The following OR52I2 variants were observed in gnomAD, a reference collection of about 807,000 sequenced individuals.
The protein encoded by OR52I2 is olfactory receptor family 52 subfamily I member 2, also known as olfactory receptor 52I2.
For missense variants in OR52I2, 350 were observed against 402.4 expected (o/e 0.87, Z 1.11); for synonymous variants, 147 against 151.9 (o/e 0.97, Z 0.24).
At chr11:4,590,970 TCA>T (rs1846346319) in exon 2 of OR52I2, 2 of 152,170 alleles carry the variant, frequency 1.3e-5, no homozygotes, top group Non-Finnish European at 2.9e-5. Context: ...TTCATATAGA[TCA>T]CAGTCTGTAA....
At chr11:4,593,289 A>G (rs1166759268) in exon 2 of OR52I2, 4 of 153,318 alleles carry the variant, frequency 2.6e-5, no homozygotes, top group Non-Finnish European at 4.4e-5. Context: ...TAGTAATTTA[A>G]TCTATTAACT....
intron 1 of OR52I2, among the ~76,000 whole-genome samples, chr11:4,583,302 A>T (rs1449753732): frequency 6.6e-6 from 1 of 152,146 alleles, no homozygotes; most frequent in Non-Finnish European, 1.5e-5. Flanking sequence ...CGAAGGCATG[A>T]AAGGTATGCC....
At chr11:4,588,196 A>T in exon 2 of OR52I2, 3 of 284,400 alleles carry the variant, frequency 1.1e-5, no homozygotes, top group African/African-American at 2.1e-5. Context: ...CCAACTCTTA[A>T]AATGAAAGAC....
intron 1 of OR52I2, among the ~76,000 whole-genome samples, chr11:4,584,172 A>C (rs769481753): frequency 7.9e-5 from 12 of 152,234 alleles, no homozygotes; most frequent in Non-Finnish European, 1.6e-4. Context: ...AAAGCAAGCT[A>C]GTCTTGAGGC....
At chr11:4,582,406 T>C (rs1402352534) in intron 1 of OR52I2, among the ~76,000 whole-genome samples, 1 of 151,052 alleles carries the variant, frequency 6.6e-6, no homozygotes, top group Non-Finnish European at 1.5e-5. Context: ...ATTAAGAAAC[T>C]TTTTATTTTT....
chr11:4,590,598 G>A (rs1846343606), exon 2 of OR52I2: 1 of 152,342 alleles, frequency 6.6e-6, no homozygotes, highest in Non-Finnish European at 1.5e-5. Context: ...TTGAAGAAAG[G>A]TGAATTTAAA....
intron 1 of OR52I2, among the ~76,000 whole-genome samples, chr11:4,584,107 G>A (rs964642255): frequency 2.0e-4 from 31 of 152,180 alleles, no homozygotes; most frequent in Non-Finnish European, 3.2e-4. Flanking sequence ...TAGGGATATG[G>A]CAGCTTCTTA....
intron 1 of OR52I2, among the ~76,000 whole-genome samples, 165 bp downstream of exon 1, chr11:4,582,029 T>C (rs1322398016): frequency 6.6e-6 from 1 of 152,184 alleles, no homozygotes; most frequent in Non-Finnish European, 1.5e-5. Flanking sequence ...CAAGACCTTA[T>C]GGAAATGATG....
chr11:4,590,851 T>C lies in OR52I2; in HGVS notation c.*2986T>C, dbSNP rs568137944. On this transcript the variant is annotated 3_prime_UTR_variant, in exon 2 of 2. Coordinates refer to ENST00000641896, the Ensembl canonical transcript of OR52I2. Reference sequence around the variant, plus strand: ...CACTGAAGATGTCTCACCCAGTAGCTACACAGCAAGGTTTTTATAATCTGA... The same window carrying C: ...CACTGAAGATGTCTCACCCAGTAGCCACACAGCAAGGTTTTTATAATCTGA... The C allele has an allele frequency of 4.6e-5, 7 of 152,350 alleles. No individual in the cohort carries two copies. The South Asian group carries it at 8.3e-4, about 18-fold the overall frequency. The allele number at this position is 152,350 out of a possible 1,614,324, so 9.4% of individuals were successfully genotyped here.
chr11:4,587,625 T>G, exon 2 of OR52I2: 1 of 1,614,110 alleles, frequency 6.2e-7, no homozygotes, highest in Non-Finnish European at 8.5e-7. Context: ...TAAGCACATG[T>G]GGCTCCCATG....
chr11:4,585,617 C>T (rs1218687160), intron 1 of OR52I2, among the ~76,000 whole-genome samples: 1 of 152,178 alleles, frequency 6.6e-6, no homozygotes, highest in Non-Finnish European at 1.5e-5. Flanking sequence ...CGGTAGAGCT[C>T]AGCTGCTGGC....
chr11:4,583,942 G>A (rs554428227), intron 1 of OR52I2, among the ~76,000 whole-genome samples: 1 of 152,180 alleles, frequency 6.6e-6, no homozygotes, highest in Admixed American at 6.5e-5. Flanking sequence ...CCTGGTAAAT[G>A]TTCCTCTAGT....
intron 1 of OR52I2, among the ~76,000 whole-genome samples, chr11:4,585,975 C>T (rs2059213788): frequency 6.6e-6 from 1 of 152,060 alleles, no homozygotes; most frequent in South Asian, 2.1e-4. Flanking sequence ...TTCCTTGTTG[C>T]CTGGAATGTC....
At chr11:4,589,513 A>G (rs1846335087) in exon 2 of OR52I2, 1 of 152,222 alleles carries the variant, frequency 6.6e-6, no homozygotes, top group African/African-American at 2.4e-5. Context: ...AATAGAAAAT[A>G]TAAGCCTTTA....
intron 1 of OR52I2, among the ~76,000 whole-genome samples, chr11:4,582,730 G>A (rs1328687082): frequency 1.3e-5 from 2 of 151,950 alleles, no homozygotes; most frequent in African/African-American, 4.8e-5. Context: ...CACCATGTCC[G>A]GTCGAACTTT....
At chr11:4,588,207 A>C in exon 2 of OR52I2, 68 of 268,326 alleles carry the variant, frequency 2.5e-4, no homozygotes, top group Middle Eastern at 1.2e-3. Flanking sequence ...AATGAAAGAC[A>C]ACAAAGACCG....
exon 2 of OR52I2, chr11:4,587,461 T>A: frequency 6.2e-7 from 1 of 1,614,210 alleles, no homozygotes; most frequent in Non-Finnish European, 8.5e-7. Context: ...TTTGGCCAGG[T>A]TAGCATGTGC....
chr11:4,592,977 C>T (rs1846363657), exon 2 of OR52I2: 2 of 152,222 alleles, frequency 1.3e-5, no homozygotes, highest in South Asian at 2.1e-4. Context: ...AAACTTACCA[C>T]ACACGTACTA....
intron 1 of OR52I2, among the ~76,000 whole-genome samples, chr11:4,583,176 A>C (rs564938955): frequency 6.6e-6 from 1 of 152,342 alleles, no homozygotes; most frequent in African/African-American, 2.4e-5. Context: ...TTTAAAAAGA[A>C]ACAGCCAACA....
Sources: gnomAD v4.1 joint callset for allele counts (sites outside exome capture counted in the v4.1 genomes callset) on GRCh38, gnomAD v4.1.1 for gene constraint, MANE v1.5 for transcripts, NCBI Gene and HGNC (gene_info 2026-07-23, HGNC 2026-07-21) for gene names.